The following H2BC18 variants were observed in gnomAD, a reference collection of about 807,000 sequenced individuals.
H2BC18 encodes the protein histone H2B type 2-F.
In H2BC18, 8 loss-of-function variants were observed where a neutral mutation model predicts 6.3. The ratio of observed to expected loss-of-function variants is 1.28; its 90% CI spans 0.75 to 2.31. The LOEUF is 2.31. H2BC18 is among the 30% of genes most tolerant of loss of function. H2BC18 has a pLI of 0.00. For missense variants in H2BC18, 106 were observed against 174.5 expected (o/e 0.61, Z 2.21); for synonymous variants, 104 against 78.1 (o/e 1.33, Z -1.75).
intron 1 of H2BC18, chr1:149,784,283 C>T: frequency 8.1e-6 from 13 of 1,609,268 alleles, no homozygotes; most frequent in Non-Finnish European, 1.1e-5. Context: ...ACCAGGAGGG[C>T]CGGAAACCAC....
downstream of H2BC18, among the ~76,000 whole-genome samples, chr1:149,808,271 A>G (rs1403565239): frequency 2.6e-5 from 4 of 152,356 alleles, no homozygotes; most frequent in East Asian, 7.7e-4. Context: ...CTCCAGTTGA[A>G]CCTTATGGAC....
In H2BC18 at chr1:149,812,012, G is replaced by A. The variant is rs782744117; in HGVS notation, c.312C>T (p.Pro104=). 284 of 1,614,120 alleles carry A rather than the reference G, an allele frequency of 1.8e-4. No individual in the cohort carries two copies. The highest frequency in any genetic ancestry group is 1.1e-3 in the African/African-American group (85 of 75,060). The change falls in exon 1 of 1, where the codon CCC becomes CCT. Residue 104 remains proline, a synonymous_variant. Coordinates refer to ENST00000369167, the MANE Select transcript of H2BC18 (RefSeq NM_001024599.5). The part of the protein sequence containing the change: ...EIQTAVRLLL[P]GELAKHAVSE... ...ACACGGCGTGCTTGGCCAGCTCGCC[G>A]GGCAGCAGCAGGCGCACGGCCGTCT...
chr1:149,788,761 C>T (rs2091619695), intron 1 of H2BC18: 2 of 844,564 alleles, frequency 2.4e-6, no homozygotes, highest in Non-Finnish European at 3.7e-6. Context: ...CACACCATGA[C>T]CAGTAGCTGG....
chr1:149,784,503 A>T (rs587628756), intron 1 of H2BC18, among the ~76,000 whole-genome samples: 1 of 152,226 alleles, frequency 6.6e-6, no homozygotes, highest in Non-Finnish European at 1.5e-5. Flanking sequence ...AGGCCCTAAG[A>T]TTGTATCATT....
At position 149,812,299 on chromosome 1, in the gene H2BC18, G is replaced by A; in HGVS notation, c.25C>T (p.Pro9Ser). 7.4e-6 allele frequency: 12 copies of A among 1,614,202 alleles called. No individual in the cohort carries two copies. The highest frequency in any genetic ancestry group is 1.0e-5 in the Non-Finnish European group (12 of 1,180,024). MPDPAKSAPAPKKGSKKAV... is the reference protein window; with the variant it reads MPDPAKSASAPKKGSKKAV... ...TTTTTGGAGCCCTTCTTGGGAGCAG[G>A]AGCGGATTTCGCTGGATCCGGCATT... The change falls in exon 1 of 1, where the codon CCT (proline) becomes TCT (serine). Residue 9 changes from proline to serine, a missense_variant. By Grantham distance (74) the Pro-to-Ser change is moderately conservative. Transcript: ENST00000369167.
At chr1:149,784,629 G>A (rs1380053770) in intron 1 of H2BC18, among the ~76,000 whole-genome samples, 2 of 150,236 alleles carry the variant, frequency 1.3e-5, no homozygotes, top group African/African-American at 4.9e-5. Context: ...ACCTTCCACA[G>A]AAACAAAACT....
chr1:149,791,596 A>G (rs2091714904), intron 1 of H2BC18: 4 of 1,558,830 alleles, frequency 2.6e-6, no homozygotes, highest in Non-Finnish European at 3.5e-6. Context: ...ACAAACATCC[A>G]AAAGTTCAAC....
At chr1:149,790,144 T>C in intron 1 of H2BC18, 1 of 1,613,980 alleles carries the variant, frequency 6.2e-7, no homozygotes, top group Non-Finnish European at 8.5e-7. Flanking sequence ...ACAAAGTTGC[T>C]CTTGCAGAGG....
chr1:149,786,194 C>T (rs587621212), intron 1 of H2BC18: 2 of 151,768 alleles, frequency 1.3e-5, no homozygotes, highest in Admixed American at 1.3e-4. Context: ...AAGCATTTCC[C>T]TAATGACTAT....
At chr1:149,811,623 T>TAG, downstream of H2BC18, 1 of 441,682 alleles carries the variant, frequency 2.3e-6, no homozygotes, top group South Asian at 2.5e-5. Flanking sequence ...CGAAGGGGTG[T>TAG]AGAACCACCC....
chr1:149,783,787 C>T (rs1571381136), intron 1 of H2BC18: 1 of 434,272 alleles, frequency 2.3e-6, no homozygotes, highest in East Asian at 3.4e-5. Flanking sequence ...ATTCCCAACA[C>T]CCAGATGAGG....
At chr1:149,810,205 A>G (rs1342802597), downstream of H2BC18, among the ~76,000 whole-genome samples, 1 of 152,100 alleles carries the variant, frequency 6.6e-6, no homozygotes, top group Non-Finnish European at 1.5e-5. Context: ...TTATGGCCCA[A>G]CTGTATAGAA....
At chr1:149,807,827 G>GAGAGAAAGAGAA (rs1553754046), downstream of H2BC18, among the ~76,000 whole-genome samples, 1 of 151,756 alleles carries the variant, frequency 6.6e-6, no homozygotes, top group Non-Finnish European at 1.5e-5. Context: ...AAGAAAGAGA[G>GAGAGAAAGAGAA]AGAGAGAGAG....
downstream of H2BC18, among the ~76,000 whole-genome samples, chr1:149,807,821 A>AAGAG (rs587706663): frequency 7.5e-6 from 1 of 133,172 alleles, no homozygotes; most frequent in Non-Finnish European, 1.6e-5. Flanking sequence ...AGAAGAAAGA[A>AAGAG]AGAGAGAGAG....
intron 1 of H2BC18, among the ~76,000 whole-genome samples, chr1:149,804,987 C>T (rs1553753739): frequency 6.6e-6 from 1 of 152,084 alleles, no homozygotes; most frequent in African/African-American, 2.4e-5. Context: ...ACTTAAGACC[C>T]TAAAAATGAT....
chr1:149,804,278 G>T (rs1336318928), intron 1 of H2BC18, among the ~76,000 whole-genome samples: 2 of 152,064 alleles, frequency 1.3e-5, no homozygotes, highest in Non-Finnish European at 2.9e-5. Context: ...TCATCTGATA[G>T]AAAAAGAAGG....
At chr1:149,785,407 CGTTTTTTT>C (rs2091516234) in intron 1 of H2BC18, among the ~76,000 whole-genome samples, 1 of 74,544 alleles carries the variant, frequency 1.3e-5, no homozygotes, top group African/African-American at 4.6e-5. Context: ...AGAGCTGTTT[CGTTTTTTT>C]TTTTTTTTTT....
chr1:149,802,216 G>C (rs1388239235), intron 1 of H2BC18, among the ~76,000 whole-genome samples: 15 of 152,084 alleles, frequency 9.9e-5, no homozygotes, highest in African/African-American at 3.4e-4. Flanking sequence ...AAAGATCCAT[G>C]AAAAATCTCC....
At chr1:149,788,768 C>A (rs2091619896) in intron 1 of H2BC18, 1 of 801,270 alleles carries the variant, frequency 1.2e-6, no homozygotes, top group Non-Finnish European at 2.0e-6. Flanking sequence ...TGACCAGTAG[C>A]TGGAACCAGA....
Sources: gnomAD v4.1 joint callset for allele counts (sites outside exome capture counted in the v4.1 genomes callset) on GRCh38, gnomAD v4.1.1 for gene constraint, MANE v1.5 for transcripts, NCBI Gene and HGNC (gene_info 2026-07-23, HGNC 2026-07-21) for gene names.